SLCO5A1: variants seen among roughly 807,000 people sequenced by gnomAD.
SLCO5A1 encodes the protein solute carrier organic anion transporter family member 5A1.
Under a neutral mutation model 65.1 loss-of-function variants are expected in SLCO5A1, and 39 were observed. The observed-to-expected ratio is 0.60, with a 90% CI of 0.46 to 0.78. SLCO5A1 has a LOEUF of 0.78. Ranked by LOEUF, SLCO5A1 falls within the 30% of genes least tolerant of loss-of-function variation. The pLI is 0.00. For synonymous variants in SLCO5A1, 438 were observed against 415.7 expected (o/e 1.05, Z -0.65); for missense variants, 1,029 against 1,069.4 (o/e 0.96, Z 0.53).
chr8:69,773,110 G>C, intron 2 of SLCO5A1: 1 of 296,562 alleles, frequency 3.4e-6, no homozygotes, highest in Non-Finnish European at 5.0e-6. Flanking sequence ...GTGTATTCAG[G>C]GAATTGCAAC....
intron 6 of SLCO5A1, among the ~76,000 whole-genome samples, chr8:69,695,444 C>A (rs1214695008): frequency 2.0e-5 from 3 of 151,886 alleles, no homozygotes; most frequent in East Asian, 3.9e-4. Context: ...TGCAGTGAGC[C>A]GAGATTGTGC....
intron 8 of SLCO5A1, among the ~76,000 whole-genome samples, chr8:69,677,158 G>T (rs553751756): frequency 1.3e-5 from 2 of 152,246 alleles, no homozygotes; most frequent in Admixed American, 1.3e-4. Flanking sequence ...AAGAATAAAA[G>T]TATATTCAAA....
At chr8:69,690,373 G>A (rs888700658) in intron 6 of SLCO5A1, among the ~76,000 whole-genome samples, 18 of 152,276 alleles carry the variant, frequency 1.2e-4, no homozygotes, top group East Asian at 5.8e-4. Context: ...AACACCCGCC[G>A]CGGGCCTTTG....
At chr8:69,750,653 C>G (rs1355590205) in intron 4 of SLCO5A1, among the ~76,000 whole-genome samples, 4 of 152,210 alleles carry the variant, frequency 2.6e-5, no homozygotes, top group African/African-American at 9.6e-5. Flanking sequence ...CCTCCACCTA[C>G]TGAAATCCTC....
In SLCO5A1 at chr8:69,764,252, G is replaced by T. The variant is rs1817949057; in HGVS notation, c.908-2377C>A. The stretch of plus-strand genomic sequence containing the variant: ...CTCATTTCCAATGTCAGCATACATT[G>T]TTAACCACTGAGTAAATAAGGAAGC... On this transcript the variant is annotated intron_variant, in intron 2 of 9. Coordinates refer to ENST00000260126, the MANE Select transcript of SLCO5A1 (RefSeq NM_030958.3). Among the ~76,000 whole-genome samples the T allele has an allele frequency of 2.0e-5, 3 of 152,294 alleles. No individual in the cohort carries two copies. The South Asian group carries it at 6.2e-4, about 32-fold the overall frequency.
At position 69,748,415 on chromosome 8, in the gene SLCO5A1, A is replaced by C. The variant is rs140055243; in HGVS notation, c.1258+7009T>G. Among the ~76,000 whole-genome samples, 302 of 152,282 alleles carry C rather than the reference A, an allele frequency of 2.0e-3. 1 individual carries two copies. The highest frequency in any genetic ancestry group is 5.5e-3 in the African/African-American group (229 of 41,566). ...GGGTTTCTCTGCCTGGACTGTTACC[A>C]TTTACCTTTCACCTCCTAAGCTGCA... On this transcript the variant is annotated intron_variant, in intron 4 of 9. Transcript: ENST00000260126.
intron 2 of SLCO5A1, among the ~76,000 whole-genome samples, chr8:69,780,429 A>G (rs1459675101): frequency 6.6e-6 from 1 of 152,184 alleles, no homozygotes; most frequent in Non-Finnish European, 1.5e-5. Flanking sequence ...AGGACTGGAT[A>G]AAGAAAATGT....
intron 6 of SLCO5A1, among the ~76,000 whole-genome samples, chr8:69,686,915 T>A (rs1165050290): frequency 6.6e-6 from 1 of 152,194 alleles, no homozygotes; most frequent in African/African-American, 2.4e-5. Flanking sequence ...TGCTGTGAAT[T>A]TCAGATTTTA....
rs1350126643 is a variant in SLCO5A1, at chr8:69,667,457, C to T, written c.*5412G>A. The T allele has an allele frequency of 2.6e-5, 4 of 152,062 alleles. No individual in the cohort carries two copies. In the South Asian group the frequency reaches 8.3e-4, roughly 31 times the overall value. 9.4% of individuals were successfully genotyped at this position (152,062 alleles called of 1,614,324 possible). ...AGAGGTATGTATTTTAAGAAAAATG[C>T]CCATTATTTGGTACTACTCTTACCA... On this transcript the variant is annotated 3_prime_UTR_variant, in exon 10 of 10. Transcript: ENST00000260126.
At chr8:69,751,907 A>C (rs1817320180) in intron 4 of SLCO5A1, among the ~76,000 whole-genome samples, 1 of 152,164 alleles carries the variant, frequency 6.6e-6, no homozygotes, top group African/African-American at 2.4e-5. Flanking sequence ...TGAAGGTACT[A>C]ATATTGGTAT....
rs1820968466 is a variant in SLCO5A1 at position 69,827,359 on chromosome 8, A to G, written c.907+4408T>C. Among the ~76,000 whole-genome samples, 3 of 152,230 alleles carry G rather than the reference A, an allele frequency of 2.0e-5. No individual in the cohort carries two copies. In the South Asian group the frequency reaches 6.2e-4, roughly 32 times the overall value. On this transcript the variant is annotated intron_variant, in intron 2 of 9. Transcript: ENST00000260126. Reference sequence around the variant, plus strand: ...GTTGCTAACCTTGCTTCTTATTAATACCTACAAAGCTTTCTCTATGCTCCT... The same window carrying G: ...GTTGCTAACCTTGCTTCTTATTAATGCCTACAAAGCTTTCTCTATGCTCCT...
chr8:69,754,566 CA>C (rs1817463434), intron 4 of SLCO5A1, among the ~76,000 whole-genome samples: 1 of 151,892 alleles, frequency 6.6e-6, no homozygotes, highest in South Asian at 2.1e-4. Flanking sequence ...TAATTTATAT[CA>C]AAAAAATCAA....
At chr8:69,769,107 A>G (rs181735060) in intron 2 of SLCO5A1, among the ~76,000 whole-genome samples, 221 of 152,116 alleles carry the variant, frequency 1.5e-3, no homozygotes, top group African/African-American at 5.1e-3. Context: ...TGTACACTTG[A>G]CCTAGAGCTA....
intron 2 of SLCO5A1, among the ~76,000 whole-genome samples, chr8:69,780,257 A>G (rs1330997012): frequency 2.0e-5 from 3 of 152,344 alleles, no homozygotes; most frequent in South Asian, 4.1e-4. Context: ...TTCTCAAAGA[A>G]TTAAAAATAA....
At chr8:69,799,208 A>G (rs369197219) in intron 2 of SLCO5A1, among the ~76,000 whole-genome samples, 3 of 152,190 alleles carry the variant, frequency 2.0e-5, no homozygotes, top group South Asian at 4.1e-4. Flanking sequence ...TATTGGAGGT[A>G]TTTAAGAAGC....
intron 4 of SLCO5A1, among the ~76,000 whole-genome samples, chr8:69,744,828 A>G (rs1005016527): frequency 6.6e-6 from 1 of 152,236 alleles, no homozygotes; most frequent in Non-Finnish European, 1.5e-5. Flanking sequence ...AAGAAAGCAT[A>G]AGTCATAAGA....
At chr8:69,686,887 A>G (rs1215444913) in intron 6 of SLCO5A1, among the ~76,000 whole-genome samples, 1 of 152,202 alleles carries the variant, frequency 6.6e-6, no homozygotes, top group Non-Finnish European at 1.5e-5. Context: ...GTTCAATTTC[A>G]TATCCACAAT....
At chr8:69,696,123 A>T (rs963151763) in intron 6 of SLCO5A1, among the ~76,000 whole-genome samples, 4 of 152,216 alleles carry the variant, frequency 2.6e-5, no homozygotes, top group African/African-American at 9.6e-5. Context: ...CAGTTGATTC[A>T]GGATGGGTGA....
chr8:69,770,450 T>C (rs1242887574), intron 2 of SLCO5A1, among the ~76,000 whole-genome samples: 1 of 152,030 alleles, frequency 6.6e-6, no homozygotes, highest in African/African-American at 2.4e-5. Context: ...ATTAATTAAT[T>C]AGTTAATTAA....
Sources: gnomAD v4.1 joint callset for allele counts (sites outside exome capture counted in the v4.1 genomes callset) on GRCh38, gnomAD v4.1.1 for gene constraint, MANE v1.5 for transcripts, NCBI Gene and HGNC (gene_info 2026-07-23, HGNC 2026-07-21) for gene names.